Variants in BANP observed in about 807,000 individuals in gnomAD.
BANP encodes the protein protein BANP.
In BANP, 11 loss-of-function variants were observed where a neutral mutation model predicts 68.1. That is an observed-to-expected ratio of 0.16 (90% CI 0.10 to 0.27). The LOEUF is 0.27. BANP is among the 10% of genes least tolerant of loss of function. The pLI is 1.00. For missense variants in BANP, 504 were observed against 722.7 expected (o/e 0.70, Z 3.47); for synonymous variants, 329 against 303.2 (o/e 1.09, Z -0.88).
intron 12 of BANP, among the ~76,000 whole-genome samples, chr16:88,070,736 A>G (rs2090095775): frequency 6.6e-6 from 1 of 152,178 alleles, no homozygotes; most frequent in Non-Finnish European, 1.5e-5. Flanking sequence ...TAGATTTGTC[A>G]TGTGGCACAA....
Position 88,002,385 on chromosome 16 carries a change from C to T in BANP, c.363-1910C>T, listed in dbSNP as rs1399803255. ...AGCCGGTGAGGTGCTGGTTTTGTCA[C>T]GCCCGTGCTGGTGTTCAGGTGGCCC... On this transcript the variant is annotated intron_variant, in intron 4 of 13. Coordinates refer to ENST00000682872, the MANE Select transcript of BANP (RefSeq NM_001386991.1). This position sits in a 1 kb window ranked among gnomAD's most constrained non-coding sequence, Gnocchi z 4.6. Among the ~76,000 whole-genome samples, 3 of 152,158 alleles carry T rather than the reference C, an allele frequency of 2.0e-5. No individual in the cohort carries two copies. Among genetic ancestry groups the T allele is most frequent in the African/African-American group, 2.4e-5 (1 of 41,432 alleles).
At chr16:88,075,746 CTTTTTT>C (rs34974822) in intron 13 of BANP, among the ~76,000 whole-genome samples, 1 of 120,916 alleles carries the variant, frequency 8.3e-6, no homozygotes, top group Non-Finnish European at 1.7e-5. Context: ...TTTTCCTTTA[CTTTTTT>C]TTTTTTTTTT....
chr16:87,970,738 G>A (rs12924938), intron 1 of BANP, among the ~76,000 whole-genome samples: 51,629 of 151,852 alleles, frequency 0.34, 10,134 homozygotes, highest in Non-Finnish European at 0.47. Context: ...GAACTCTACC[G>A]GCCGGGCGCG....
intron 4 of BANP, among the ~76,000 whole-genome samples, chr16:87,985,839 C>T (rs1324938896): frequency 1.3e-5 from 2 of 152,146 alleles, no homozygotes; most frequent in Non-Finnish European, 2.9e-5. Context: ...TGAACTTTCA[C>T]ATAAAGCAAA....
chr16:87,967,311 G>T (rs899915228), intron 1 of BANP, among the ~76,000 whole-genome samples: 2 of 130,638 alleles, frequency 1.5e-5, no homozygotes, highest in African/African-American at 5.8e-5. Flanking sequence ...GTTTCACCCT[G>T]TTAGCCAGGC....
intron 2 of BANP, 33 bp from the exon 3 acceptor site, chr16:87,981,003 T>C: frequency 6.8e-7 from 1 of 1,480,476 alleles, no homozygotes; most frequent in Non-Finnish European, 9.4e-7. Flanking sequence ...ACTTTTCATG[T>C]TAAACATTTT....
intron 7 of BANP, among the ~76,000 whole-genome samples, chr16:88,024,132 C>G (rs1161438453): frequency 6.6e-6 from 1 of 152,192 alleles, no homozygotes; most frequent in Non-Finnish European, 1.5e-5. Flanking sequence ...GTGCCTTGGG[C>G]TGAGGGAGCT....
intron 4 of BANP, among the ~76,000 whole-genome samples, chr16:87,998,781 C>T (rs531314809): frequency 3.4e-5 from 5 of 147,490 alleles, no homozygotes; most frequent in Admixed American, 2.0e-4. Context: ...TCCATGCACG[C>T]ACGTGCGCGG....
rs1358982204 is a variant in BANP at position 88,064,358 on chromosome 16, C to G, written c.1312-909C>G. Among the ~76,000 whole-genome samples, 1 of 152,224 alleles carries G rather than the reference C, an allele frequency of 6.6e-6. No homozygotes were observed. Among genetic ancestry groups the G allele is most frequent in the African/African-American group, 2.4e-5 (1 of 41,458 alleles). ...GTGGTCAGGGACAGTGGGTTCCTCT[C>G]CCTTAGCATGCTTGGAAGCAGTGGT... On this transcript the variant is annotated intron_variant, in intron 11 of 13. Coordinates refer to ENST00000682872, the MANE Select transcript of BANP (RefSeq NM_001386991.1). The surrounding 1 kb of genome is among the most constrained non-coding windows in gnomAD (Gnocchi z 4.5).
Position 88,071,695 on chromosome 16 carries a change from A to C in BANP, c.1378-374A>C. On this transcript the variant is annotated intron_variant, in intron 12 of 13. Coordinates refer to ENST00000682872, the MANE Select transcript of BANP (RefSeq NM_001386991.1). This position sits in a 1 kb window ranked among gnomAD's most constrained non-coding sequence, Gnocchi z 6.5. The stretch of plus-strand genomic sequence containing the variant: ...TTTTAGGCCTCAGTGGCACTCTGGG[A>C]GCGCTTGTGCTCTTCATGGTTGCCA... 1 of 493,534 alleles carries C rather than the reference A, an allele frequency of 2.0e-6. No individual in the cohort carries two copies. Among genetic ancestry groups the C allele is most frequent in the Non-Finnish European group, 4.0e-6 (1 of 252,094 alleles). 30.6% of individuals were successfully genotyped at this position (493,534 alleles called of 1,614,324 possible).
At chr16:87,949,883 T>C (rs549997046), upstream of BANP, 14 of 151,462 alleles carry the variant, frequency 9.2e-5, no homozygotes, top group African/African-American at 3.1e-4. Context: ...TTCTTTTTTT[T>C]TTTTTTTTTC....
chr16:88,031,192 C>T (rs2078094829), intron 8 of BANP, among the ~76,000 whole-genome samples: 2 of 152,258 alleles, frequency 1.3e-5, no homozygotes, highest in South Asian at 2.1e-4. Context: ...CATGACCCAT[C>T]ACTGGAGGTG....
rs2079521566 is a variant in BANP, at chr16:88,036,957, C to A, written c.1273-1016C>A. Reference sequence around the variant, plus strand: ...TGCGAGGTGCAGGATCCCAGCAGCACCTTCCAGTGCAGGAGCTGCCTTTGA... The same window carrying A: ...TGCGAGGTGCAGGATCCCAGCAGCAACTTCCAGTGCAGGAGCTGCCTTTGA... On this transcript the variant is annotated intron_variant, in intron 10 of 13. Transcript: ENST00000682872. This position sits in a 1 kb window ranked among gnomAD's most constrained non-coding sequence, Gnocchi z 4.2. Among the ~76,000 whole-genome samples, 1 of 152,106 alleles carries A rather than the reference C, an allele frequency of 6.6e-6. No homozygotes were observed. The highest frequency in any genetic ancestry group is 1.5e-5 in the Non-Finnish European group (1 of 68,014).
In BANP at chr16:88,006,279, G is replaced by A. The variant is rs376758421; in HGVS notation, c.655+14G>A. On this transcript the variant is annotated intron_variant, in intron 6 of 13. Transcript: ENST00000682872. ...TGAACTCGGAAGGTGCGTCCAGGGC[G>A]GCTTTCCTCGGCCAGAGCGCCAGTA... 99 of 1,574,182 alleles carry A rather than the reference G, an allele frequency of 6.3e-5. No homozygotes were observed. Among genetic ancestry groups the A allele is most frequent in the Non-Finnish European group, 8.3e-5 (96 of 1,159,524 alleles).
Position 88,074,951 on chromosome 16 carries a change from C to A in BANP, c.1522-1639C>A, listed in dbSNP as rs185108021. On this transcript the variant is annotated intron_variant, in intron 13 of 13. Coordinates refer to ENST00000682872, the MANE Select transcript of BANP (RefSeq NM_001386991.1). ...AGGTGCAGTGTTTCATGCCTGTAAT[C>A]CCAGTGCTTTGTGAGGCCGAGGCAG... 4.0e-3 allele frequency among the ~76,000 whole-genome samples: 615 copies of A among 152,346 alleles called. 1 individual carries two copies. The highest frequency in any genetic ancestry group is 6.6e-3 in the Non-Finnish European group (450 of 68,030).
intron 1 of BANP, among the ~76,000 whole-genome samples, chr16:87,958,710 A>G (rs550111300): frequency 1.3e-5 from 2 of 152,162 alleles, no homozygotes; most frequent in South Asian, 4.1e-4. Context: ...CTCAAGAAAA[A>G]ACAAGCAAAA....
intron 11 of BANP, among the ~76,000 whole-genome samples, chr16:88,063,789 C>T (rs2087622606): frequency 1.3e-5 from 2 of 152,148 alleles, no homozygotes; most frequent in African/African-American, 2.4e-5. Context: ...CTGTGCAGCT[C>T]ATTACACTGG....
Position 87,975,189 on chromosome 16 carries a change from C to T in BANP, c.70+4C>T, listed in dbSNP as rs770854353. ...GACCTGAGCCCTGACCACCCAGGTA[C>T]AGAGCTGTGGGACAGTAGGTGAAAT... On this transcript the variant is annotated splice_donor_region_variant and intron_variant, in intron 2 of 13. Transcript: ENST00000682872. 1.9e-6 allele frequency: 3 copies of T among 1,613,908 alleles called. No individual in the cohort carries two copies. Among genetic ancestry groups the T allele is most frequent in the Non-Finnish European group, 8.5e-7 (1 of 1,179,782 alleles).
rs1382660538 is a variant in BANP at position 88,023,312 on chromosome 16, C to T, written c.896-4171C>T. 6.6e-5 allele frequency among the ~76,000 whole-genome samples: 10 copies of T among 152,094 alleles called. 1 individual carries two copies. The highest frequency in any genetic ancestry group is 1.3e-4 in the Non-Finnish European group (9 of 68,000). On this transcript the variant is annotated intron_variant, in intron 7 of 13. Transcript: ENST00000682872. ...TGGCTAACAGACTGAGGACAGGTGT[C>T]TCTCCATCATTTTTTCTCATAAAGG...
Sources: gnomAD v4.1 joint callset for allele counts (sites outside exome capture counted in the v4.1 genomes callset) on GRCh38, gnomAD v4.1.1 for gene constraint, Gnocchi (gnomAD v3.1) non-coding constraint, MANE v1.5 for transcripts, NCBI Gene and HGNC (gene_info 2026-07-23, HGNC 2026-07-21) for gene names.